The following APC variants were observed in gnomAD, a reference collection of about 807,000 sequenced individuals.
The protein encoded by APC is adenomatous polyposis coli protein.
APC carries 72 observed loss-of-function variants against 247.0 expected under a neutral mutation model. The ratio of observed to expected loss-of-function variants is 0.29; its 90% CI spans 0.24 to 0.35. APC has a LOEUF of 0.35. APC is among the 10% of genes least tolerant of loss of function. The pLI, the probability that APC is intolerant of heterozygous loss-of-function variation, is 1.00. For synonymous variants in APC, 1,254 were observed against 1,162.5 expected (o/e 1.08, Z -1.60); for missense variants, 3,400 against 3,360.7 (o/e 1.01, Z -0.29).
At position 112,819,106 on chromosome 5, in the gene APC, G is replaced by C. The variant is rs1580528988; in HGVS notation, c.1074G>C (p.Gln358His). The change falls in exon 10 of 16, where the codon CAG becomes CAC. Residue 358 changes from glutamine (Q) to histidine (H), a missense_variant. By Grantham distance (24) the Gln-to-His change is conservative (BLOSUM62 0). Coordinates refer to ENST00000257430, the MANE Select transcript of APC (RefSeq NM_000038.6). Reference protein sequence around the residue: ...RQSGCLPLLIQLLHGNDKDSV... With the variant: ...RQSGCLPLLIHLLHGNDKDSV... ...CTGGATGTCTTCCTCTCCTCATCCA[G>C]CTTTTACATGGCAATGACAAAGACT... 1.2e-6 allele frequency: 2 copies of C among 1,614,078 alleles called. No homozygotes were observed. The highest frequency in any genetic ancestry group is 2.2e-5 in the East Asian group (1 of 44,866).
At chr5:112,831,221 G>A (rs1197950551) in intron 14 of APC, among the ~76,000 whole-genome samples, 1 of 151,918 alleles carries the variant, frequency 6.6e-6, no homozygotes, top group Non-Finnish European at 1.5e-5. Context: ...CGATTATCCT[G>A]CCTCAGCCTC....
intron 7 of APC, among the ~76,000 whole-genome samples, chr5:112,796,852 T>G (rs1404861050): frequency 6.6e-6 from 1 of 152,160 alleles, no homozygotes; most frequent in Admixed American, 6.5e-5. Context: ...TCTTGTATTC[T>G]GATTATTACT....
chr5:112,838,022 A>G lies in APC; in HGVS notation c.2428A>G (p.Arg810Gly), dbSNP rs564269909. The change falls in exon 16 of 16, where the codon AGG becomes GGG. Residue 810 changes from arginine to glycine, a missense_variant. Arg to Gly is a moderately radical substitution (Grantham distance 125). Transcript: ENST00000257430. Reference protein sequence around the residue: ...VFDTNRHDDNRSDNFNTGNMT... With the variant: ...VFDTNRHDDNGSDNFNTGNMT... ...TGACACCAATCGACATGATGATAATAGGTCAGACAATTTTAATACTGGCAA... is the reference window on the plus strand; with the variant it reads ...TGACACCAATCGACATGATGATAATGGGTCAGACAATTTTAATACTGGCAA... 1 of 1,614,180 alleles carries G rather than the reference A, an allele frequency of 6.2e-7. No individual in the cohort carries two copies. Among genetic ancestry groups the G allele is most frequent in the South Asian group, 1.1e-5 (1 of 91,082 alleles).
Position 112,843,168 on chromosome 5 carries a change from G to T in APC, c.7574G>T (p.Arg2525Leu). The change falls in exon 16 of 16, where the codon CGC (arginine) becomes CTC (leucine). Residue 2525 changes from arginine (R) to leucine (L), a missense_variant. Physicochemically the swap from Arg to Leu is moderately radical, Grantham distance 102. This residue lies in a region of APC where 1,788 missense variants were observed against 1,649.5 expected (regional missense o/e 1.08). Coordinates refer to ENST00000257430, the MANE Select transcript of APC (RefSeq NM_000038.6). This position sits in a 1 kb window ranked among gnomAD's most constrained non-coding sequence, Gnocchi z 4.8. ...IEYNDGRPAK[R>L]HDIARSHSES... The stretch of plus-strand genomic sequence containing the variant: ...TATAATGATGGAAGACCAGCAAAGC[G>T]CCATGATATTGCACGGTCTCATTCT... 1 of 1,613,422 alleles carries T rather than the reference G, an allele frequency of 6.2e-7. No homozygotes were observed. Among genetic ancestry groups the T allele is most frequent in the Non-Finnish European group, 8.5e-7 (1 of 1,179,374 alleles).
Position 112,765,760 on chromosome 5 carries a change from G to T in APC, c.136-566G>T, listed in dbSNP as rs12659119. Among the ~76,000 whole-genome samples, 73,258 of 151,978 alleles carry T rather than the reference G, an allele frequency of 0.48. 19,125 individuals carry two copies. Among genetic ancestry groups the T allele is most frequent in the East Asian group, 0.79 (4,082 of 5,176 alleles). ...TTTGAGAAAAAATGATCAAGAAAGG[G>T]ATTACATGGGAAAGAAGAAAAGCAT... is the stretch of plus-strand genomic sequence containing the variant. On this transcript the variant is annotated intron_variant, in intron 2 of 15. Transcript: ENST00000257430.
At chr5:112,806,092 G>A (rs1047241646) in intron 8 of APC, among the ~76,000 whole-genome samples, 1 of 152,094 alleles carries the variant, frequency 6.6e-6, no homozygotes, top group Non-Finnish European at 1.5e-5. Flanking sequence ...TCCATGTAGT[G>A]TTTGTTTCAT....
At chr5:112,718,964 T>C (rs1454744255) in intron 1 of APC, among the ~76,000 whole-genome samples, 1 of 152,220 alleles carries the variant, frequency 6.6e-6, no homozygotes, top group Non-Finnish European at 1.5e-5. Flanking sequence ...GGTTAGTTCC[T>C]AGGACTTTGC....
chr5:112,729,775 C>G (rs899147700), intron 1 of APC, among the ~76,000 whole-genome samples: 2 of 152,184 alleles, frequency 1.3e-5, no homozygotes, highest in Non-Finnish European at 2.9e-5. Flanking sequence ...AGTATATTCA[C>G]TAGAGTAACA....
At chr5:112,836,009 C>CTT (rs371484714) in intron 15 of APC, among the ~76,000 whole-genome samples, 16 of 106,334 alleles carry the variant, frequency 1.5e-4, no homozygotes, top group Non-Finnish European at 2.0e-4. Flanking sequence ...ATACAACTGT[C>CTT]TTTTTTTTTT....
intron 1 of APC, among the ~76,000 whole-genome samples, chr5:112,713,754 A>G (rs1561398606): frequency 6.6e-6 from 1 of 152,064 alleles, no homozygotes; most frequent in African/African-American, 2.4e-5. Flanking sequence ...TGCAACCTCT[A>G]CCTCTTGGGT....
At chr5:112,759,407 G>C (rs1410738177) in intron 2 of APC, among the ~76,000 whole-genome samples, 2 of 146,382 alleles carry the variant, frequency 1.4e-5, no homozygotes, top group South Asian at 2.1e-4. Flanking sequence ...CACCAGGCTG[G>C]AGTGCAGTGA....
intron 6 of APC, among the ~76,000 whole-genome samples, chr5:112,792,188 G>A (rs1759689846): frequency 6.6e-6 from 1 of 151,944 alleles, no homozygotes; most frequent in Non-Finnish European, 1.5e-5. Context: ...GGAGGTTGCG[G>A]TGAGCTGAGA....
intron 2 of APC, 165 bp downstream of exon 2, chr5:112,755,190 A>G (rs955532736): frequency 8.6e-5 from 47 of 549,264 alleles, no homozygotes; most frequent in Admixed American, 5.1e-4. Context: ...AATAAGATAT[A>G]TTGAATTCAT....
rs114463799 is a variant in APC at position 112,844,781 on chromosome 5, G to T, written c.*655G>T. 820 of 231,902 alleles carry T rather than the reference G, an allele frequency of 3.5e-3. 5 individuals carry two copies. Among genetic ancestry groups the T allele is most frequent in the African/African-American group, 0.016 (748 of 45,380 alleles). The allele number at this position is 231,902 out of a possible 1,614,324, so 14.4% of individuals were successfully genotyped here. A position where few individuals can be genotyped will look rare whatever the true frequency, so the allele number is the denominator to read the frequency against. Reference sequence around the variant, plus strand: ...TGCTCCAAACAAAACAAAAATCTGTGTAACTGTAAAACATTGAATGAAACT... The same window carrying T: ...TGCTCCAAACAAAACAAAAATCTGTTTAACTGTAAAACATTGAATGAAACT... On this transcript the variant is annotated 3_prime_UTR_variant, in exon 16 of 16. Transcript: ENST00000257430.
At chr5:112,737,224 G>T (rs1363804456), upstream of APC, among the ~76,000 whole-genome samples, 3 of 152,142 alleles carry the variant, frequency 2.0e-5, no homozygotes, top group African/African-American at 7.2e-5. Context: ...CTGTACTTCT[G>T]TTCCCGTTTT....
chr5:112,822,248 A>C (rs1194997812), intron 11 of APC, among the ~76,000 whole-genome samples: 4 of 152,180 alleles, frequency 2.6e-5, no homozygotes, highest in Non-Finnish European at 5.9e-5. Context: ...GGAGATTGAA[A>C]AAAAATGACA....
chr5:112,774,714 T>TG (rs1213800224), intron 4 of APC, among the ~76,000 whole-genome samples: 2 of 152,184 alleles, frequency 1.3e-5, no homozygotes, highest in East Asian at 3.9e-4. Context: ...TGAGCTCAAG[T>TG]GATCCACCTG....
In APC at chr5:112,780,799, C is replaced by G. The variant is rs863225366; in HGVS notation, c.541C>G (p.Gln181Glu). The change falls in exon 6 of 16, where the codon CAA (glutamine) becomes GAA (glutamate). Residue 181 changes from glutamine (Q) to glutamate (E), a missense_variant. Gln to Glu is a conservative substitution (Grantham distance 29, BLOSUM62 2). This residue lies in a region of APC where 372 missense variants were observed against 367.6 expected (regional missense o/e 1.01). Transcript: ENST00000257430. ...SLPLTENFSL[Q>E]TDMTRRQLEY... ...TTATTTGTGGTTTTAGTTTTCCTTA[C>G]AAACAGATATGACCAGAAGGCAATT... The G allele has an allele frequency of 1.2e-6, 2 of 1,609,810 alleles. No homozygotes were observed. The highest frequency in any genetic ancestry group is 1.7e-6 in the Non-Finnish European group (2 of 1,176,604).
chr5:112,748,048 G>A (rs1354489377), intron 1 of APC, among the ~76,000 whole-genome samples: 5 of 152,216 alleles, frequency 3.3e-5, no homozygotes, highest in Middle Eastern at 3.4e-3. Context: ...GAAATCATAC[G>A]ACCCACAAAG....
Sources: allele counts gnomAD v4.1 joint callset (sites outside exome capture counted in the v4.1 genomes callset), GRCh38; gene constraint gnomAD v4.1.1; regional missense constraint gnomAD v4.1.1; non-coding constraint Gnocchi (gnomAD v3.1); transcripts MANE v1.5; gene names NCBI Gene and HGNC (gene_info 2026-07-23, HGNC 2026-07-21).